Variants in USP31 observed in about 807,000 individuals in gnomAD.
The protein encoded by USP31 is ubiquitin carboxyl-terminal hydrolase 31.
Under a neutral mutation model 119.4 loss-of-function variants are expected in USP31, and 44 were observed. The observed-to-expected ratio is 0.37, with a 90% CI of 0.29 to 0.47. The LOEUF (loss-of-function observed/expected upper bound fraction) is 0.47. Ranked by LOEUF, USP31 falls within the 20% of genes least tolerant of loss-of-function variation. USP31 has a pLI of 0.99. For synonymous variants in USP31, 749 were observed against 705.6 expected, an observed-to-expected ratio of 1.06 and a Z score of -0.97; for missense variants, 1,643 against 1,730.2, an observed-to-expected ratio of 0.95 and a Z score of 0.89.
chr16:23,147,668 T>C (rs1244852817), intron 1 of USP31, among the ~76,000 whole-genome samples: 1 of 152,200 alleles, frequency 6.6e-6, no homozygotes, highest in Non-Finnish European at 1.5e-5. Context: ...AGCTCACCCC[T>C]GTAATCCCAG....
chr16:23,077,895 G>GTTC (rs1900649828), intron 13 of USP31, among the ~76,000 whole-genome samples: 1 of 152,112 alleles, frequency 6.6e-6, no homozygotes, highest in Non-Finnish European at 1.5e-5. Flanking sequence ...AAAAGTGAAA[G>GTTC]AGCATAAAGA....
intron 13 of USP31, among the ~76,000 whole-genome samples, chr16:23,076,059 T>A (rs1900557258): frequency 6.6e-6 from 1 of 152,124 alleles, no homozygotes; most frequent in African/African-American, 2.4e-5. Context: ...CACTCCAGCC[T>A]GGGTGACAAA....
intron 14 of USP31, chr16:23,072,598 G>A (rs927168687): frequency 2.0e-6 from 1 of 497,376 alleles, no homozygotes. Flanking sequence ...ACAAAGAGAA[G>A]AGAGGATGCG....
chr16:23,084,783 T>C, intron 11 of USP31, 77 bp downstream of exon 11: 1 of 1,574,294 alleles, frequency 6.4e-7, no homozygotes, highest in Non-Finnish European at 8.6e-7. Flanking sequence ...GGGCGTGATT[T>C]GTTTCTCCAC....
chr16:23,090,230 T>TA (rs1203339606), intron 7 of USP31, among the ~76,000 whole-genome samples: 1 of 151,630 alleles, frequency 6.6e-6, no homozygotes, highest in Non-Finnish European at 1.5e-5. Flanking sequence ...ACTAAAAATA[T>TA]AAAAAATCCG....
intron 1 of USP31, among the ~76,000 whole-genome samples, chr16:23,136,653 C>CAA (rs200523344): frequency 2.6e-4 from 20 of 76,306 alleles, no homozygotes; most frequent in African/African-American, 3.0e-4. Flanking sequence ...GACTTCATCT[C>CAA]AAAAAAAAAA....
chr16:23,105,558 T>A lies in USP31; in HGVS notation c.972A>T (p.Val324=). 2 of 1,613,976 alleles carry A rather than the reference T, an allele frequency of 1.2e-6. No homozygotes were observed. Among genetic ancestry groups the A allele is most frequent in the South Asian group, 2.2e-5 (2 of 91,050 alleles). Residue 324 remains valine, a synonymous_variant, in exon 5 of 16, where the codon GTA becomes GTT. Transcript: ENST00000219689. ...LPHTRPLYVT[V]VYQGKCSHCM... Reference sequence around the variant, plus strand: ...AGTGAGAACATTTGCCTTGATACACTACAGTGACATAGAGAGGCCTGTACA... The same window carrying A: ...AGTGAGAACATTTGCCTTGATACACAACAGTGACATAGAGAGGCCTGTACA...
intron 1 of USP31, among the ~76,000 whole-genome samples, chr16:23,135,137 TAAAAAAA>T (rs71151697): frequency 1.3e-4 from 16 of 127,842 alleles, no homozygotes; most frequent in African/African-American, 4.4e-4. Context: ...TTTCATGATT[TAAAAAAA>T]AAAAAAAAAA....
In USP31 at chr16:23,069,295, A is replaced by G; in HGVS notation, c.2810T>C (p.Val937Ala). The G allele has an allele frequency of 6.2e-7, 1 of 1,611,032 alleles. No individual in the cohort carries two copies. Residue 937 changes from valine (V) to alanine (A), a missense_variant, in exon 16 of 16, where the codon GTG becomes GCG. Val to Ala is a moderately conservative substitution (Grantham distance 64). Transcript: ENST00000219689. ...CATGACAGCCAGAGGGGCCCGGCCC[A>G]CAGCCTTGTGCTCACGGCGACTATG... is the stretch of plus-strand genomic sequence containing the variant. ...DSHSRREHKA[V>A]GRAPLAVMEG...
At chr16:23,102,690 T>C (rs1311698078) in intron 5 of USP31, among the ~76,000 whole-genome samples, 1 of 152,112 alleles carries the variant, frequency 6.6e-6, no homozygotes, top group Non-Finnish European at 1.5e-5. Context: ...GCTACATCTG[T>C]GGATTCAACC....
chr16:23,090,947 T>A, intron 6 of USP31, 143 bp from the exon 7 acceptor site: 2 of 717,960 alleles, frequency 2.8e-6, no homozygotes, highest in Non-Finnish European at 4.3e-6. Context: ...AGAAACATCC[T>A]ACTTAGATTA....
chr16:23,095,590 G>C (rs1325877607), intron 6 of USP31, among the ~76,000 whole-genome samples: 2 of 152,212 alleles, frequency 1.3e-5, no homozygotes, highest in Non-Finnish European at 2.9e-5. Context: ...GTTAAGGGCA[G>C]CCAGAGTGAA....
chr16:23,096,525 T>C (rs922833833), intron 6 of USP31, among the ~76,000 whole-genome samples: 9 of 152,136 alleles, frequency 5.9e-5, no homozygotes, highest in Non-Finnish European at 1.2e-4. Context: ...CCACCCCAAA[T>C]CAACAGAATA....
intron 6 of USP31, among the ~76,000 whole-genome samples, chr16:23,101,984 A>C (rs980214267): frequency 4.0e-5 from 6 of 151,056 alleles, no homozygotes; most frequent in East Asian, 3.9e-4. Context: ...AAAAAAAAAA[A>C]AAAAAAAAAA....
intron 1 of USP31, among the ~76,000 whole-genome samples, chr16:23,114,887 A>G (rs547937063): frequency 5.3e-5 from 8 of 152,348 alleles, no homozygotes; most frequent in African/African-American, 1.9e-4. Context: ...TACCCCTCAC[A>G]ATGGTAACTT....
chr16:23,132,127 C>A (rs1191246266), intron 1 of USP31, among the ~76,000 whole-genome samples: 3 of 152,160 alleles, frequency 2.0e-5, no homozygotes, highest in Non-Finnish European at 4.4e-5. Context: ...AGAGAAAGAT[C>A]ACAATCAAAC....
In USP31 at chr16:23,149,184, C is replaced by A; in HGVS notation, c.87G>T (p.Arg29=). 8.6e-7 allele frequency: 1 copy of A among 1,162,404 alleles called. No homozygotes were observed. The allele number at this position is 1,162,404 out of a possible 1,614,324, so 72.0% of individuals were successfully genotyped here. Residue 29 remains arginine (R), a synonymous_variant, in exon 1 of 16, where the codon CGG becomes CGT. Transcript: ENST00000219689. ...EKRSFSKRLF[R]SGRAGGGGAG... ...CGCCGCCGCCGCCAGCGCGGCCGCTCCGAAACAGCCGCTTGCTGAAGGAGC... is the reference window on the plus strand; with the variant it reads ...CGCCGCCGCCGCCAGCGCGGCCGCTACGAAACAGCCGCTTGCTGAAGGAGC...
chr16:23,137,659 A>G (rs1009190578), intron 1 of USP31, among the ~76,000 whole-genome samples: 17 of 152,130 alleles, frequency 1.1e-4, no homozygotes, highest in African/African-American at 4.1e-4. Flanking sequence ...GCGACATAAT[A>G]TAACACATGA....
rs772230155 is a variant in USP31 at position 23,062,327 on chromosome 16, A to AAAAAC, written c.*5714_*5718dup. The AAAAAC allele has an allele frequency of 5.9e-5, 9 of 152,602 alleles. No individual in the cohort carries two copies. Among genetic ancestry groups the AAAAAC allele is most frequent in the Non-Finnish European group, 1.2e-4 (8 of 68,042 alleles). 9.5% of individuals were successfully genotyped at this position (152,602 alleles called of 1,614,324 possible). ...GTATTACTTAATGGTAAAACAAACAAAAAACAAAACAAAACAAAAACACGA... is the reference window on the plus strand; with the variant it reads ...GTATTACTTAATGGTAAAACAAACAAAAAACAAAACAAAACAAAACAAAAACACGA... On this transcript the variant is annotated 3_prime_UTR_variant, in exon 16 of 16. Coordinates refer to ENST00000219689, the MANE Select transcript of USP31 (RefSeq NM_020718.4).
Sources: gnomAD v4.1 joint callset for allele counts (sites outside exome capture counted in the v4.1 genomes callset) on GRCh38, gnomAD v4.1.1 for gene constraint, MANE v1.5 for transcripts, NCBI Gene and HGNC (gene_info 2026-07-23, HGNC 2026-07-21) for gene names.